Variants in PDZRN4 observed in about 807,000 individuals in gnomAD.
PDZRN4 encodes PDZ domain-containing RING finger protein 4.
Under a neutral mutation model 99.0 loss-of-function variants are expected in PDZRN4, and 70 were observed. That is an observed-to-expected ratio of 0.71 (90% CI 0.58 to 0.86). The LOEUF (loss-of-function observed/expected upper bound fraction) is 0.86, where lower values mean the gene tolerates loss of function less well. Among genes scored for constraint, PDZRN4 ranks in the 40% least tolerant of loss-of-function variants. PDZRN4 has a pLI of 0.00. For missense variants in PDZRN4, 1,474 were observed against 1,331.2 expected (o/e 1.11, Z -1.67); for synonymous variants, 551 against 501.6 (o/e 1.10, Z -1.32).
At chr12:41,450,830 A>G (rs761442436) in intron 3 of PDZRN4, among the ~76,000 whole-genome samples, 7 of 152,168 alleles carry the variant, frequency 4.6e-5, no homozygotes, top group Non-Finnish European at 1.0e-4. Context: ...TGGGAGGCTA[A>G]GACAAGAGGA....
At chr12:41,423,490 G>C (rs903225082) in intron 3 of PDZRN4, among the ~76,000 whole-genome samples, 2 of 152,002 alleles carry the variant, frequency 1.3e-5, no homozygotes, top group African/African-American at 2.4e-5. Context: ...CTTTTTTATG[G>C]CTGCATATAT....
intron 3 of PDZRN4, 61 bp from the exon 4 acceptor site, chr12:41,506,395 C>A (rs1245653672): frequency 8.2e-6 from 12 of 1,462,250 alleles, no homozygotes; most frequent in Non-Finnish European, 9.2e-6. Context: ...TTTTATTAAT[C>A]TATCATGACA....
chr12:41,377,113 C>T (rs975998385), intron 3 of PDZRN4, among the ~76,000 whole-genome samples: 3 of 152,116 alleles, frequency 2.0e-5, no homozygotes, highest in African/African-American at 7.2e-5. Flanking sequence ...CAGTATCATA[C>T]TGTTTTGATT....
At chr12:41,478,330 G>C (rs1937623865) in intron 3 of PDZRN4, among the ~76,000 whole-genome samples, 1 of 152,084 alleles carries the variant, frequency 6.6e-6, no homozygotes, top group Non-Finnish European at 1.5e-5. Context: ...TGGCCAGGCT[G>C]ATCTCCAGCT....
intron 3 of PDZRN4, among the ~76,000 whole-genome samples, chr12:41,443,431 C>A (rs1026512452): frequency 2.0e-5 from 3 of 152,106 alleles, no homozygotes; most frequent in Non-Finnish European, 2.9e-5. Context: ...AAGTAAGAGG[C>A]AGACTCCCTG....
chr12:41,243,535 T>C (rs762854052), intron 3 of PDZRN4, among the ~76,000 whole-genome samples: 17 of 152,344 alleles, frequency 1.1e-4, no homozygotes, highest in South Asian at 2.1e-4. Context: ...GGCATTTGAA[T>C]ACGTTAAAAA....
chr12:41,571,376 T>TCTCTCTCTCTCTCTCTCTCA (rs1303597271), intron 9 of PDZRN4, among the ~76,000 whole-genome samples: 3 of 65,590 alleles, frequency 4.6e-5, no homozygotes, highest in Admixed American at 1.7e-4. Flanking sequence ...TCTCTCTCTC[T>TCTCTCTCTCTCTCTCTCTCA]CACACACACA....
At chr12:41,557,148 CAAAAAAA>C (rs112787721) in intron 7 of PDZRN4, among the ~76,000 whole-genome samples, 1 of 57,982 alleles carries the variant, frequency 1.7e-5, no homozygotes, top group African/African-American at 4.4e-5. Context: ...GAGACACTCT[CAAAAAAA>C]AAAAAAAAAA....
intron 5 of PDZRN4, among the ~76,000 whole-genome samples, chr12:41,539,360 T>C (rs1221034235): frequency 6.6e-6 from 1 of 152,086 alleles, no homozygotes; most frequent in African/African-American, 2.4e-5. Flanking sequence ...AGTAAATCTA[T>C]TTCACAGTTT....
intron 3 of PDZRN4, among the ~76,000 whole-genome samples, chr12:41,275,242 A>G (rs1406501996): frequency 6.6e-6 from 1 of 152,126 alleles, no homozygotes; most frequent in East Asian, 1.9e-4. Flanking sequence ...CGTATTTCAG[A>G]TAGCCTCTGT....
In PDZRN4 at chr12:41,573,288, T is replaced by C. The variant is rs777951469; in HGVS notation, c.2509T>C (p.Ser837Pro). The C allele has an allele frequency of 6.2e-7, 1 of 1,613,634 alleles. No homozygotes were observed. Among genetic ancestry groups the C allele is most frequent in the Admixed American group, 1.7e-5 (1 of 59,998 alleles). The change falls in exon 10 of 10, where the codon TCA (serine) becomes CCA (proline). Residue 837 changes from serine (S) to proline (P), a missense_variant. Ser to Pro is a moderately conservative substitution (Grantham distance 74). Transcript: ENST00000402685. ...IPYLSPYHSS[S>P]YRYANIPAHA... ...TTACCTCTCTCCTTACCACAGCTCC[T>C]CATATAGATATGCAAACATCCCAGC... is the stretch of plus-strand genomic sequence containing the variant.
intron 3 of PDZRN4, among the ~76,000 whole-genome samples, chr12:41,400,799 C>T (rs778031195): frequency 6.6e-6 from 1 of 152,122 alleles, no homozygotes; most frequent in African/African-American, 2.4e-5. Context: ...TCATGTAAAA[C>T]ATCTTTTTAT....
intron 3 of PDZRN4, among the ~76,000 whole-genome samples, chr12:41,194,866 G>A (rs1950761358): frequency 6.6e-6 from 1 of 152,098 alleles, no homozygotes; most frequent in South Asian, 2.1e-4. Context: ...CATTTCTGAT[G>A]AGGAACTATG....
chr12:41,238,465 A>T (rs936832791), intron 3 of PDZRN4, among the ~76,000 whole-genome samples: 2 of 152,200 alleles, frequency 1.3e-5, no homozygotes, highest in African/African-American at 4.8e-5. Context: ...AATTTTTGCA[A>T]CCTGTCCATC....
At chr12:41,468,069 T>C (rs367552120) in intron 3 of PDZRN4, among the ~76,000 whole-genome samples, 262 of 152,260 alleles carry the variant, frequency 1.7e-3, no homozygotes, top group Non-Finnish European at 3.5e-3. Context: ...CTTACATTTC[T>C]CCTCAAATGA....
At chr12:41,305,983 G>T (rs1951566950) in intron 3 of PDZRN4, among the ~76,000 whole-genome samples, 1 of 152,182 alleles carries the variant, frequency 6.6e-6, no homozygotes. Flanking sequence ...AGTAAGTCAT[G>T]TGTTTCAAAA....
intron 3 of PDZRN4, among the ~76,000 whole-genome samples, chr12:41,273,929 A>G (rs1484505180): frequency 2.0e-5 from 3 of 152,100 alleles, no homozygotes; most frequent in African/African-American, 7.2e-5. Context: ...TAATGCATCA[A>G]GATCTAAAGT....
intron 3 of PDZRN4, among the ~76,000 whole-genome samples, chr12:41,344,068 GTTTC>G (rs1951836218): frequency 6.6e-6 from 1 of 151,960 alleles, no homozygotes; most frequent in Non-Finnish European, 1.5e-5. Flanking sequence ...GACATTTTAT[GTTTC>G]TTTCTTCATG....
intron 3 of PDZRN4, among the ~76,000 whole-genome samples, chr12:41,397,400 T>C (rs1336118495): frequency 2.6e-5 from 4 of 152,170 alleles, no homozygotes; most frequent in Non-Finnish European, 4.4e-5. Context: ...CTGGCAAAAC[T>C]AGTATGTCTT....
Sources: allele counts gnomAD v4.1 joint callset (sites outside exome capture counted in the v4.1 genomes callset), GRCh38; gene constraint gnomAD v4.1.1; transcripts MANE v1.5; gene names NCBI Gene and HGNC (gene_info 2026-07-23, HGNC 2026-07-21).